Variants in B3GALT1 observed in about 807,000 individuals in gnomAD.
The protein encoded by B3GALT1 is UDP-Gal:betaGlcNAc beta 1,3-galactosyltransferase, polypeptide 1.
In B3GALT1, 10 loss-of-function variants were observed where a neutral mutation model predicts 23.2. That is an observed-to-expected ratio of 0.43 (90% CI 0.27 to 0.73). The LOEUF (loss-of-function observed/expected upper bound fraction) is 0.73, where lower values mean the gene tolerates loss of function less well. B3GALT1 is among the 30% of genes least tolerant of loss of function. The pLI, the probability that B3GALT1 is intolerant of heterozygous loss-of-function variation, is 0.21. For missense variants in B3GALT1, 299 were observed against 405.4 expected, an observed-to-expected ratio of 0.74 and a Z score of 2.25; for synonymous variants, 156 against 141.5, an observed-to-expected ratio of 1.10 and a Z score of -0.73.
At chr2:167,612,393 T>TATA (rs1244974253) in intron 2 of B3GALT1, among the ~76,000 whole-genome samples, 1 of 150,388 alleles carries the variant, frequency 6.6e-6, no homozygotes, top group Non-Finnish European at 1.5e-5. Context: ...TTATTATTAT[T>TATA]ATTTTGTAGC....
intron 3 of B3GALT1, among the ~76,000 whole-genome samples, chr2:167,765,250 T>C (rs192514234): frequency 1.3e-5 from 2 of 152,270 alleles, no homozygotes; most frequent in East Asian, 3.9e-4. Flanking sequence ...GTGCACTGTT[T>C]ATATGGATGG....
At chr2:167,714,458 G>A (rs1488701641) in intron 3 of B3GALT1, 1 of 1,595,368 alleles carries the variant, frequency 6.3e-7, no homozygotes, top group African/African-American at 1.3e-5. Context: ...AGTTTGAGGA[G>A]AGAGAAAAGC....
At chr2:167,366,768 G>T (rs1440503207) in intron 1 of B3GALT1, among the ~76,000 whole-genome samples, 2 of 152,184 alleles carry the variant, frequency 1.3e-5, no homozygotes, top group Admixed American at 6.5e-5. Context: ...TCACACATGT[G>T]TATGTCTGGC....
chr2:167,786,180 A>G (rs1688342045), intron 3 of B3GALT1, among the ~76,000 whole-genome samples: 1 of 152,232 alleles, frequency 6.6e-6, no homozygotes, highest in Non-Finnish European at 1.5e-5. Flanking sequence ...GTGAAGTAGT[A>G]TAAAAAAGAC....
intron 3 of B3GALT1, among the ~76,000 whole-genome samples, chr2:167,705,141 A>C (rs1411273592): frequency 6.6e-6 from 1 of 152,196 alleles, no homozygotes; most frequent in Non-Finnish European, 1.5e-5. Flanking sequence ...GACCTGAGCA[A>C]CCTACAGCCT....
intron 3 of B3GALT1, among the ~76,000 whole-genome samples, chr2:167,705,479 C>A (rs1253220426): frequency 2.0e-5 from 3 of 151,852 alleles, no homozygotes; most frequent in Non-Finnish European, 4.4e-5. Context: ...TTTTTTAATT[C>A]TTTATTTTTT....
rs572530776 is a variant in B3GALT1 at position 167,564,501 on chromosome 2, C to T, written c.-410+74224C>T. On this transcript the variant is annotated intron_variant, in intron 2 of 4. Coordinates refer to ENST00000392690, the MANE Select transcript of B3GALT1 (RefSeq NM_020981.4). ...GCTGCAATCTCGGCACCCTGGGAGG[C>T]CAAGGCAGGACGCCGGGAGGTGGAG... 1.8e-3 allele frequency among the ~76,000 whole-genome samples: 269 copies of T among 152,294 alleles called. 1 individual carries two copies. The highest frequency in any genetic ancestry group is 3.4e-3 in the Middle Eastern group (1 of 294).
rs73026037 is a variant in B3GALT1 at position 167,549,631 on chromosome 2, A to G, written c.-410+59354A>G. Among the ~76,000 whole-genome samples, 891 of 152,248 alleles carry G rather than the reference A, an allele frequency of 5.9e-3. 6 individuals carry two copies. Among genetic ancestry groups the G allele is most frequent in the African/African-American group, 0.02 (836 of 41,538 alleles). ...GCCTCCCCTTCCTTGGTGTGGAGACATCACTGGGTAGGCATAAGCAGCCTC... is the reference window on the plus strand; with the variant it reads ...GCCTCCCCTTCCTTGGTGTGGAGACGTCACTGGGTAGGCATAAGCAGCCTC... On this transcript the variant is annotated intron_variant, in intron 2 of 4. Transcript: ENST00000392690.
rs141774704 is a variant in B3GALT1 at position 167,300,061 on chromosome 2, C to G, written c.-511+6727C>G. Among the ~76,000 whole-genome samples the G allele has an allele frequency of 1.4e-3, 208 of 152,118 alleles. 7 individuals carry two copies. The East Asian group carries it at 0.035, about 25-fold the overall frequency. ...GGGATTACAGATTCCCGCCACCACGCCTGGCTATTTCTTTTGTATTTTTAG... is the reference window on the plus strand; with the variant it reads ...GGGATTACAGATTCCCGCCACCACGGCTGGCTATTTCTTTTGTATTTTTAG... On this transcript the variant is annotated intron_variant, in intron 1 of 4. Coordinates refer to ENST00000392690, the MANE Select transcript of B3GALT1 (RefSeq NM_020981.4).
At chr2:167,670,324 G>A (rs1686301376) in intron 3 of B3GALT1, among the ~76,000 whole-genome samples, 2 of 152,100 alleles carry the variant, frequency 1.3e-5, no homozygotes, top group South Asian at 4.1e-4. Context: ...TTCCAAAGAG[G>A]AAAAAGGAGA....
intron 1 of B3GALT1, among the ~76,000 whole-genome samples, chr2:167,485,924 A>C: frequency 6.6e-6 from 1 of 152,238 alleles, no homozygotes; most frequent in Admixed American, 6.5e-5. Flanking sequence ...CAAGCCCTGC[A>C]GACTGAAGGT....
At chr2:167,676,286 C>G (rs1686424260) in intron 3 of B3GALT1, among the ~76,000 whole-genome samples, 1 of 151,800 alleles carries the variant, frequency 6.6e-6, no homozygotes, top group African/African-American at 2.4e-5. Context: ...TTTTGTTTTG[C>G]TTTTTTAACA....
intron 2 of B3GALT1, among the ~76,000 whole-genome samples, chr2:167,567,687 C>T (rs565505951): frequency 3.0e-4 from 45 of 152,184 alleles, no homozygotes; most frequent in African/African-American, 9.4e-4. Flanking sequence ...TCAACATCCC[C>T]CACCAGAATG....
At chr2:167,430,357 C>T (rs976667916) in intron 1 of B3GALT1, among the ~76,000 whole-genome samples, 3 of 152,128 alleles carry the variant, frequency 2.0e-5, no homozygotes, top group Non-Finnish European at 2.9e-5. Context: ...AACACCTTGT[C>T]GCCTTCTGAA....
In B3GALT1 at chr2:167,586,802, T is replaced by C. The variant is rs541154355; in HGVS notation, c.-409-60107T>C. Among the ~76,000 whole-genome samples, 152 of 152,322 alleles carry C rather than the reference T, an allele frequency of 1.0e-3. 3 individuals are homozygous for C. In the Middle Eastern group the frequency reaches 0.017, roughly 17 times the overall value. On this transcript the variant is annotated intron_variant, in intron 2 of 4. Coordinates refer to ENST00000392690, the MANE Select transcript of B3GALT1 (RefSeq NM_020981.4). ...CTCATATTTGTTTGAAAACTTAATA[T>C]GTAATTTTTTTGAGAAGGAAAACAC...
intron 1 of B3GALT1, among the ~76,000 whole-genome samples, chr2:167,455,274 A>G (rs1417548338): frequency 6.6e-6 from 1 of 152,208 alleles, no homozygotes. Context: ...ATTAGCTTTT[A>G]GTGTTTTCCT....
At chr2:167,460,311 T>G (rs555667332) in intron 1 of B3GALT1, among the ~76,000 whole-genome samples, 2 of 152,318 alleles carry the variant, frequency 1.3e-5, no homozygotes, top group South Asian at 4.1e-4. Context: ...TTTTTCTATC[T>G]GTTTTTCAGG....
chr2:167,359,386 C>T (rs1697464999), intron 1 of B3GALT1, among the ~76,000 whole-genome samples: 1 of 152,174 alleles, frequency 6.6e-6, no homozygotes, highest in East Asian at 1.9e-4. Context: ...CACAGTAAGT[C>T]TCTGCCATTA....
chr2:167,628,539 C>A (rs144220796), intron 2 of B3GALT1, among the ~76,000 whole-genome samples: 4 of 151,768 alleles, frequency 2.6e-5, no homozygotes, highest in Non-Finnish European at 5.9e-5. Flanking sequence ...TCCTCAGCCA[C>A]CAGTAGGATT....
Sources: gnomAD v4.1 joint callset for allele counts (sites outside exome capture counted in the v4.1 genomes callset) on GRCh38, gnomAD v4.1.1 for gene constraint, MANE v1.5 for transcripts, NCBI Gene and HGNC (gene_info 2026-07-23, HGNC 2026-07-21) for gene names.